The following BAZ2B variants were observed in gnomAD, a reference collection of about 807,000 sequenced individuals.
The protein encoded by BAZ2B is bromodomain adjacent to zinc finger domain protein 2B.
A neutral mutation model predicts 246.0 loss-of-function variants in BAZ2B; 91 were observed. The observed-to-expected ratio is 0.37, with a 90% CI of 0.31 to 0.44. BAZ2B has a LOEUF of 0.44. BAZ2B is among the 20% of genes least tolerant of loss of function. The probability of loss-of-function intolerance (pLI) is 1.00; values close to 1 mark genes in which losing one functional copy is unlikely to be tolerated. For missense variants in BAZ2B, 2,332 were observed against 2,533.7 expected (o/e 0.92, Z 1.71); for synonymous variants, 855 against 860.0 (o/e 0.99, Z 0.10).
chr2:159,316,473 C>A (rs565618787), downstream of BAZ2B, among the ~76,000 whole-genome samples: 1 of 151,498 alleles, frequency 6.6e-6, no homozygotes, highest in South Asian at 2.1e-4. Flanking sequence ...GGGCAGATCA[C>A]GAGGTCAGGA....
At chr2:159,320,537 T>C (rs975719513) in intron 36 of BAZ2B, 119 bp from the exon 37 acceptor site, 10 of 808,208 alleles carry the variant, frequency 1.2e-5, no homozygotes, top group Admixed American at 3.9e-5. Flanking sequence ...TGCATTTAAA[T>C]TGATATAAAA....
intron 3 of BAZ2B, among the ~76,000 whole-genome samples, chr2:159,474,653 G>T (rs923665598): frequency 6.6e-6 from 1 of 152,166 alleles, no homozygotes; most frequent in Admixed American, 6.5e-5. Flanking sequence ...TCATAGTATT[G>T]ATGGTCTTTA....
At chr2:159,412,095 C>T (rs932512553) in intron 14 of BAZ2B, 3 of 441,928 alleles carry the variant, frequency 6.8e-6, no homozygotes, top group African/African-American at 4.3e-5. Flanking sequence ...GCTTAACACC[C>T]ACCTTTGTAA....
At chr2:159,500,130 C>G (rs2081557992) in intron 2 of BAZ2B, among the ~76,000 whole-genome samples, 1 of 152,092 alleles carries the variant, frequency 6.6e-6, no homozygotes, top group African/African-American at 2.4e-5. Flanking sequence ...AGATTTTCTT[C>G]TAGGGTTTTT....
intron 3 of BAZ2B, among the ~76,000 whole-genome samples, chr2:159,456,833 G>T (rs1025420150): frequency 6.6e-6 from 1 of 152,062 alleles, no homozygotes; most frequent in African/African-American, 2.4e-5. Flanking sequence ...TATCATAATT[G>T]TAGTAATACC....
At chr2:159,378,615 A>G (rs1025268037) in intron 25 of BAZ2B, among the ~76,000 whole-genome samples, 1 of 152,178 alleles carries the variant, frequency 6.6e-6, no homozygotes, top group Non-Finnish European at 1.5e-5. Flanking sequence ...AAACCAGATA[A>G]CCAGATTTTA....
chr2:159,372,550 C>A (rs572989100), intron 27 of BAZ2B, among the ~76,000 whole-genome samples: 37 of 151,980 alleles, frequency 2.4e-4, no homozygotes, highest in African/African-American at 7.2e-4. Context: ...TGTGGTAACA[C>A]AAAATTCAAA....
chr2:159,583,993 TAAGA>T (rs1687454030), intron 1 of BAZ2B, among the ~76,000 whole-genome samples: 1 of 152,052 alleles, frequency 6.6e-6, no homozygotes, highest in South Asian at 2.1e-4. Flanking sequence ...AGAAGTGTAT[TAAGA>T]AATAGGGGAG....
intron 2 of BAZ2B, among the ~76,000 whole-genome samples, chr2:159,519,658 G>C (rs1236814065): frequency 6.8e-6 from 1 of 147,248 alleles, no homozygotes; most frequent in Non-Finnish European, 1.5e-5. Flanking sequence ...ACAATTATAA[G>C]GGACCTTTCT....
chr2:159,445,026 GCTTA>G (rs1194061623), intron 6 of BAZ2B: 3 of 152,158 alleles, frequency 2.0e-5, no homozygotes, highest in African/African-American at 2.4e-5. Flanking sequence ...AGGCTTCTCA[GCTTA>G]CTTAGTTAGA....
chr2:159,557,842 ACTAT>A (rs1012112445), intron 1 of BAZ2B, among the ~76,000 whole-genome samples: 3 of 152,190 alleles, frequency 2.0e-5, no homozygotes, highest in Non-Finnish European at 2.9e-5. Flanking sequence ...TTCAAGAATT[ACTAT>A]CTATTTAAAG....
At chr2:159,336,491 C>A (rs1275155499) in intron 33 of BAZ2B, among the ~76,000 whole-genome samples, 1 of 152,160 alleles carries the variant, frequency 6.6e-6, no homozygotes, top group Non-Finnish European at 1.5e-5. Context: ...GATATAAGCA[C>A]ATAAACTAAG....
the BAZ2B span, among the ~76,000 whole-genome samples, chr2:159,669,676 G>A: frequency 4.6e-5 from 7 of 152,018 alleles, no homozygotes; most frequent in South Asian, 2.1e-4. Flanking sequence ...TCTTAAAAGC[G>A]ATTTCATCTG....
At chr2:159,525,399 A>G (rs1388007792) in intron 2 of BAZ2B, among the ~76,000 whole-genome samples, 1 of 152,224 alleles carries the variant, frequency 6.6e-6, no homozygotes, top group Non-Finnish European at 1.5e-5. Context: ...CCAGAATTTG[A>G]AAAGCTCCAA....
intron 12 of BAZ2B, 53 bp downstream of exon 12, chr2:159,428,255 TACA>T: frequency 6.9e-7 from 1 of 1,443,094 alleles, no homozygotes; most frequent in Admixed American, 1.8e-5. Flanking sequence ...TTTTTTTTTG[TACA>T]TGATCATGCT....
At chr2:159,565,804 A>AAG (rs2151528337) in intron 1 of BAZ2B, among the ~76,000 whole-genome samples, 1 of 151,954 alleles carries the variant, frequency 6.6e-6, no homozygotes, top group African/African-American at 2.4e-5. Context: ...GAAAAAAAAA[A>AAG]AAGAAGAAGA....
At chr2:159,406,879 C>T (rs562313912) in intron 14 of BAZ2B, among the ~76,000 whole-genome samples, 10 of 151,964 alleles carry the variant, frequency 6.6e-5, no homozygotes, top group South Asian at 6.3e-4. Context: ...CTCAGCCTCC[C>T]GAGCAGCTGG....
At chr2:159,706,557 CGT>C in the BAZ2B span, among the ~76,000 whole-genome samples, 1 of 152,130 alleles carries the variant, frequency 6.6e-6, no homozygotes, top group Non-Finnish European at 1.5e-5. Context: ...TGCACGCACG[CGT>C]GCGCATGTGC....
At chr2:159,507,069 T>C (rs1484913288) in intron 2 of BAZ2B, among the ~76,000 whole-genome samples, 1 of 152,196 alleles carries the variant, frequency 6.6e-6, no homozygotes, top group Non-Finnish European at 1.5e-5. Flanking sequence ...ATCTAAACTA[T>C]AATTATAAAA....
Sources: gnomAD v4.1 joint callset for allele counts (sites outside exome capture counted in the v4.1 genomes callset) on GRCh38, gnomAD v4.1.1 for gene constraint, MANE v1.5 for transcripts, NCBI Gene and HGNC (gene_info 2026-07-23, HGNC 2026-07-21) for gene names.